Variants in KALRN observed in about 807,000 individuals in gnomAD.
KALRN encodes the protein kalirin.
KALRN carries 70 observed loss-of-function variants against 353.7 expected under a neutral mutation model. That is an observed-to-expected ratio of 0.20 (90% CI 0.16 to 0.24). KALRN has a LOEUF of 0.24. KALRN is among the 10% of genes least tolerant of loss of function. The pLI is 1.00. For missense variants in KALRN, 2,791 were observed against 3,756.7 expected, an observed-to-expected ratio of 0.74 and a Z score of 6.72; for synonymous variants, 1,391 against 1,434.8, an observed-to-expected ratio of 0.97 and a Z score of 0.69.
In KALRN at chr3:124,718,995, T is replaced by G; in HGVS notation, c.8486T>G (p.Val2829Gly). 1 of 1,614,212 alleles carries G rather than the reference T, an allele frequency of 6.2e-7. No individual in the cohort carries two copies. Among genetic ancestry groups the G allele is most frequent in the Non-Finnish European group, 8.5e-7 (1 of 1,180,032 alleles). The change falls in exon 60 of 60, where the codon GTC becomes GGC. Residue 2829 changes from valine (V) to glycine (G), a missense_variant. Physicochemically the swap from Val to Gly is moderately radical, Grantham distance 109. Around this residue, in one of 11 missense-constraint regions of KALRN, gnomAD observed 188 missense variants for 402.9 expected, o/e 0.47. Transcript: ENST00000682506. ...RVKLIDLEDA[V>G]QISGHFHIHH... ...AAGCTCATTGACTTGGAGGATGCTG[T>G]CCAGATCTCGGGTCACTTCCACATT...
chr3:124,678,468 C>A, intron 50 of KALRN, 155 bp downstream of exon 50: 1 of 731,370 alleles, frequency 1.4e-6, no homozygotes. Flanking sequence ...CATGCAAGAT[C>A]AATTTATTTT....
intron 1 of KALRN, among the ~76,000 whole-genome samples, chr3:124,184,271 T>C (rs2073951903): frequency 6.6e-6 from 1 of 152,222 alleles, no homozygotes; most frequent in Admixed American, 6.5e-5. Context: ...GTGAGATTAA[T>C]TGTAATACTA....
intron 17 of KALRN, among the ~76,000 whole-genome samples, chr3:124,435,673 C>A (rs1172357326): frequency 6.6e-6 from 1 of 152,138 alleles, no homozygotes; most frequent in Non-Finnish European, 1.5e-5. Flanking sequence ...AGTCTCCACC[C>A]CTTCTTTCAG....
intron 34 of KALRN, among the ~76,000 whole-genome samples, chr3:124,596,861 A>C (rs974045337): frequency 2.6e-5 from 4 of 152,184 alleles, no homozygotes; most frequent in African/African-American, 9.7e-5. Context: ...CAGCCTGGCC[A>C]ATATGGCGAA....
Position 124,152,511 on chromosome 3 carries a change from A to G in KALRN, c.74-75479A>G, listed in dbSNP as rs1316799891. ...GAATTTCAGTTCTGTACATCTGCCT[A>G]TATTCCTTGTTACAGTGCTTTTCTT... On this transcript the variant is annotated intron_variant, in intron 1 of 59. Transcript: ENST00000682506. 94 of 768,608 alleles carry G rather than the reference A, an allele frequency of 1.2e-4. 1 individual carries two copies. Among genetic ancestry groups the G allele is most frequent in the South Asian group, 1.2e-3 (86 of 73,292 alleles). The allele number at this position is 768,608 out of a possible 1,614,324, so 47.6% of individuals were successfully genotyped here.
At chr3:124,349,017 C>T (rs1430877925) in intron 10 of KALRN, among the ~76,000 whole-genome samples, 1 of 152,202 alleles carries the variant, frequency 6.6e-6, no homozygotes, top group Non-Finnish European at 1.5e-5. Flanking sequence ...CCGTGCCCAG[C>T]TGTCAAACAG....
chr3:124,037,123 C>T (rs908653736), intron 1 of KALRN, among the ~76,000 whole-genome samples: 4 of 152,258 alleles, frequency 2.6e-5, no homozygotes, highest in African/African-American at 9.6e-5. Context: ...CAATCAAAAA[C>T]AACTTTTCAA....
intron 33 of KALRN, among the ~76,000 whole-genome samples, chr3:124,553,374 C>T (rs1336871685): frequency 1.3e-5 from 2 of 152,164 alleles, no homozygotes; most frequent in African/African-American, 4.8e-5. Flanking sequence ...CCCAGTAATC[C>T]ACAGAAAGGG....
chr3:124,341,834 C>T (rs566980417), intron 9 of KALRN, among the ~76,000 whole-genome samples: 53 of 152,132 alleles, frequency 3.5e-4, no homozygotes, highest in Middle Eastern at 3.4e-3. Context: ...GGGTTATTAA[C>T]GAGTTAAGGC....
intron 45 of KALRN, among the ~76,000 whole-genome samples, chr3:124,664,452 C>A (rs2085359404): frequency 6.6e-6 from 1 of 151,298 alleles, no homozygotes; most frequent in African/African-American, 2.4e-5. Context: ...GCTCTGTCGC[C>A]CAGGCTGGAG....
intron 1 of KALRN, among the ~76,000 whole-genome samples, chr3:124,196,594 A>G (rs1177054389): frequency 6.6e-6 from 1 of 152,120 alleles, no homozygotes; most frequent in Non-Finnish European, 1.5e-5. Context: ...CTTCTTGGCT[A>G]CTTATTTCTA....
intron 5 of KALRN, among the ~76,000 whole-genome samples, chr3:124,295,940 G>C (rs2076810322): frequency 6.6e-6 from 1 of 152,138 alleles, no homozygotes; most frequent in African/African-American, 2.4e-5. Flanking sequence ...GAGGACCCAG[G>C]ATAGTGCACA....
chr3:124,698,320 T>G (rs993804067), intron 55 of KALRN, among the ~76,000 whole-genome samples: 2 of 152,252 alleles, frequency 1.3e-5, no homozygotes, highest in African/African-American at 4.8e-5. Flanking sequence ...TAGGAGGTCC[T>G]TCAGAATTGT....
intron 1 of KALRN, among the ~76,000 whole-genome samples, chr3:124,057,605 T>A (rs1055419656): frequency 5.3e-5 from 8 of 152,214 alleles, no homozygotes; most frequent in African/African-American, 1.9e-4. Context: ...TGGCCCTGCC[T>A]GCACTTGTGC....
At chr3:124,110,473 A>ACACACACACACGCACACT (rs2062854109) in intron 1 of KALRN, among the ~76,000 whole-genome samples, 1 of 149,276 alleles carries the variant, frequency 6.7e-6, no homozygotes, top group Non-Finnish European at 1.5e-5. Context: ...ACGCGCGCAC[A>ACACACACACACGCACACT]CACACACACA....
intron 1 of KALRN, among the ~76,000 whole-genome samples, chr3:124,104,395 AAGG>A (rs1431180538): frequency 6.6e-6 from 1 of 152,236 alleles, no homozygotes; most frequent in Admixed American, 6.5e-5. Context: ...ACAGGATAAA[AAGG>A]AGAGAACAGG....
intron 4 of KALRN, 85 bp downstream of exon 4, chr3:124,264,775 C>A: frequency 2.5e-6 from 3 of 1,203,814 alleles, no homozygotes; most frequent in South Asian, 1.4e-5. Flanking sequence ...TCTCTATCTA[C>A]CATACAGTAT....
chr3:124,385,108 T>A, intron 11 of KALRN, 72 bp downstream of exon 11: 1 of 1,378,378 alleles, frequency 7.3e-7, no homozygotes. Context: ...AAAATGGCCC[T>A]GAAGGTCTGA....
chr3:124,605,000 T>C (rs2077186423), intron 34 of KALRN, among the ~76,000 whole-genome samples: 1 of 151,860 alleles, frequency 6.6e-6, no homozygotes, highest in African/African-American at 2.4e-5. Flanking sequence ...ACAAAAAATA[T>C]ATATATACAA....
Sources: allele counts gnomAD v4.1 joint callset (sites outside exome capture counted in the v4.1 genomes callset), GRCh38; gene constraint gnomAD v4.1.1; regional missense constraint gnomAD v4.1.1; transcripts MANE v1.5; gene names NCBI Gene and HGNC (gene_info 2026-07-23, HGNC 2026-07-21).